POF1B: variants seen among roughly 807,000 people sequenced by gnomAD.
POF1B encodes the protein protein POF1B.
Under a neutral mutation model 55.3 loss-of-function variants are expected in POF1B, and 53 were observed. The observed-to-expected ratio is 0.96, with a 90% CI of 0.77 to 1.20. The LOEUF is 1.20. Ranked by LOEUF, POF1B falls within the 50% of genes most tolerant of loss-of-function variation. POF1B has a pLI of 0.00. For synonymous variants in POF1B, 188 were observed against 148.3 expected, an observed-to-expected ratio of 1.27 and a Z score of -1.95; for missense variants, 478 against 420.5, an observed-to-expected ratio of 1.14 and a Z score of -1.20.
At chrX:85,286,020 A>G (rs908596966) in intron 15 of POF1B, among the ~76,000 whole-genome samples, 1 of 111,876 alleles carries the variant, frequency 8.9e-6, no homozygotes, top group Non-Finnish European at 1.9e-5. Flanking sequence ...GCACCAGAAA[A>G]GATAAATATG....
At chrX:85,316,825 G>A (rs1932791788) in intron 7 of POF1B, among the ~76,000 whole-genome samples, 1 of 110,136 alleles carries the variant, frequency 9.1e-6, no homozygotes, top group African/African-American at 3.3e-5. Flanking sequence ...CATCAATGAG[G>A]TAATAAGCAC....
At chrX:85,371,797 G>A (rs1356247985) in intron 2 of POF1B, among the ~76,000 whole-genome samples, 2 of 111,319 alleles carry the variant, frequency 1.8e-5, no homozygotes, top group Non-Finnish European at 3.8e-5. Flanking sequence ...GATAATTTAA[G>A]TTTCCATAAA....
chrX:85,330,837 A>G lies in POF1B; in HGVS notation c.854+112T>C. On this transcript the variant is annotated intron_variant, in intron 7 of 16. Coordinates refer to ENST00000262753, the MANE Select transcript of POF1B (RefSeq NM_024921.4). ...TATAATTAAAAAAAATAAAATAGAAAGTACTAGAGTTTTTGCTGTGAACCT... is the reference window on the plus strand; with the variant it reads ...TATAATTAAAAAAAATAAAATAGAAGGTACTAGAGTTTTTGCTGTGAACCT... 3 of 694,341 alleles carry G rather than the reference A, an allele frequency of 4.3e-6. No homozygotes were observed. In the Admixed American group the frequency reaches 1.3e-4, roughly 31 times the overall value. The allele number at this position is 694,341 out of a possible 1,213,427, so 57.2% of individuals were successfully genotyped here. A position where few individuals can be genotyped will look rare whatever the true frequency, so the allele number is the denominator to read the frequency against.
intron 15 of POF1B, among the ~76,000 whole-genome samples, chrX:85,290,795 A>AT (rs1959260560): frequency 9.1e-6 from 1 of 109,774 alleles, no homozygotes; most frequent in African/African-American, 3.3e-5. Context: ...CTTTTTAATG[A>AT]TTTTTTGCTT....
intron 7 of POF1B, among the ~76,000 whole-genome samples, chrX:85,330,738 A>G (rs1014840888): frequency 4.5e-5 from 5 of 111,642 alleles, no homozygotes; most frequent in Non-Finnish European, 9.4e-5. Flanking sequence ...TAATGGGTGC[A>G]GCACACCAAC....
intron 15 of POF1B, among the ~76,000 whole-genome samples, chrX:85,302,222 A>G (rs112081659): frequency 0.027 from 2,970 of 111,593 alleles, 101 homozygotes; most frequent in African/African-American, 0.091. Context: ...ACTTGTGAAC[A>G]TGTGAAAATC....
chrX:85,379,022 A>C, intron 2 of POF1B, 151 bp downstream of exon 2: 1 of 609,748 alleles, frequency 1.6e-6, no homozygotes, highest in Non-Finnish European at 2.5e-6. Context: ...ATAACAGCCA[A>C]GAGATGAATT....
intron 6 of POF1B, among the ~76,000 whole-genome samples, chrX:85,336,879 T>G (rs982937049): frequency 8.9e-6 from 1 of 111,849 alleles, no homozygotes; most frequent in African/African-American, 3.2e-5. Context: ...CCCAGTCCAA[T>G]GTCCTGAATA....
At chrX:85,334,905 T>C (rs908961995) in intron 6 of POF1B, among the ~76,000 whole-genome samples, 3 of 111,432 alleles carry the variant, frequency 2.7e-5, no homozygotes, top group Non-Finnish European at 5.7e-5. Context: ...TGGTAGTGAT[T>C]ATAAGGCACA....
chrX:85,322,352 C>T (rs1298666838), intron 7 of POF1B, among the ~76,000 whole-genome samples: 2 of 111,037 alleles, frequency 1.8e-5, no homozygotes, highest in African/African-American at 6.6e-5. Context: ...GAAAGGATTC[C>T]CTATTTAATA....
At chrX:85,343,586 G>A (rs1021927650) in intron 6 of POF1B, among the ~76,000 whole-genome samples, 6 of 110,805 alleles carry the variant, frequency 5.4e-5, no homozygotes, top group Admixed American at 2.9e-4. Flanking sequence ...ATTTTTTCAA[G>A]TTGTAGACTT....
intron 2 of POF1B, among the ~76,000 whole-genome samples, chrX:85,378,659 A>G (rs907101271): frequency 8.9e-6 from 1 of 112,037 alleles, no homozygotes; most frequent in Non-Finnish European, 1.9e-5. Flanking sequence ...TTGGAAGATG[A>G]AACACATATG....
intron 6 of POF1B, among the ~76,000 whole-genome samples, chrX:85,335,475 A>G (rs146753542): frequency 0.013 from 1,403 of 111,307 alleles, 81 homozygotes; most frequent in Admixed American, 0.12. Flanking sequence ...TTAATCCCTG[A>G]CAAAATTAAA....
intron 3 of POF1B, among the ~76,000 whole-genome samples, chrX:85,361,127 G>T (rs2147945498): frequency 9.0e-6 from 1 of 111,678 alleles, no homozygotes; most frequent in Non-Finnish European, 1.9e-5. Flanking sequence ...CTGGATATTA[G>T]ACTTGTCAAA....
At chrX:85,305,413 AG>A (rs1209507029) in intron 13 of POF1B, among the ~76,000 whole-genome samples, 1 of 110,680 alleles carries the variant, frequency 9.0e-6, no homozygotes, top group Admixed American at 9.7e-5. Context: ...CTCGAAATTA[AG>A]TGAGAATTTT....
chrX:85,305,963 T>C (rs1302485776), intron 12 of POF1B, 53 bp from the exon 13 acceptor site: 2 of 1,144,282 alleles, frequency 1.7e-6, no homozygotes, highest in African/African-American at 3.6e-5. Context: ...AGAAAATACA[T>C]GTTATGTTAC....
chrX:85,335,789 T>C (rs1933061231), intron 6 of POF1B, among the ~76,000 whole-genome samples: 1 of 110,793 alleles, frequency 9.0e-6, no homozygotes, highest in Non-Finnish European at 1.9e-5. Context: ...CAATATGTAA[T>C]AATCACATCA....
intron 15 of POF1B, among the ~76,000 whole-genome samples, chrX:85,282,780 T>TA (rs201795577): frequency 0.084 from 9,260 of 110,232 alleles, 867 homozygotes; most frequent in African/African-American, 0.27. Flanking sequence ...GCTACATAGA[T>TA]AGAGAGAGGT....
chrX:85,315,715 T>C lies in POF1B; in HGVS notation c.874A>G (p.Thr292Ala), dbSNP rs747163959. The C allele has an allele frequency of 1.8e-5, 21 of 1,176,139 alleles. No individual in the cohort carries two copies. The highest frequency in any genetic ancestry group is 2.4e-5 in the Non-Finnish European group (21 of 880,497). ...ACTATCTTTGCACTTACCTCATCTG[T>C]AGACTCAAAGTCCTGTTTGCTGCAA... ...IGGSKQDFES[T>A]DESEDIESLI... The change falls in exon 8 of 17, where the codon ACA becomes GCA. Residue 292 changes from threonine to alanine, a missense_variant. By Grantham distance (58) the Thr-to-Ala change is moderately conservative. Coordinates refer to ENST00000262753, the MANE Select transcript of POF1B (RefSeq NM_024921.4).
Sources: gnomAD v4.1 joint callset for allele counts (sites outside exome capture counted in the v4.1 genomes callset) on GRCh38, gnomAD v4.1.1 for gene constraint, MANE v1.5 for transcripts, NCBI Gene and HGNC (gene_info 2026-07-23, HGNC 2026-07-21) for gene names.